The following LRRC47 variants were observed in gnomAD, a reference collection of about 807,000 sequenced individuals.
The protein encoded by LRRC47 is leucine rich repeat containing 47.
A neutral mutation model predicts 40.9 loss-of-function variants in LRRC47; 31 were observed. The observed-to-expected ratio is 0.76, with a 90% CI of 0.57 to 1.02. The LOEUF (loss-of-function observed/expected upper bound fraction) is 1.02, where lower values mean the gene tolerates loss of function less well. LRRC47 is among the 50% of genes least tolerant of loss of function. The pLI is 0.00. For synonymous variants in LRRC47, 427 were observed against 371.9 expected, an observed-to-expected ratio of 1.15 and a Z score of -1.70; for missense variants, 726 against 796.1, an observed-to-expected ratio of 0.91 and a Z score of 1.06.
intron 2 of LRRC47, among the ~76,000 whole-genome samples, chr1:3,786,121 C>T (rs1024587080): frequency 1.3e-4 from 20 of 152,086 alleles, no homozygotes; most frequent in African/African-American, 3.1e-4. Context: ...GCACCCACCT[C>T]GGCCTCCTGA....
chr1:3,780,453 AC>A lies in LRRC47; in HGVS notation c.*634del, dbSNP rs1264390885. ...TGACTGTACAGTGCCACGTAACAGC[AC>A]TGTACTTTTCTCCCATAAACAGTTA... On this transcript the variant is annotated 3_prime_UTR_variant, in exon 7 of 7. Transcript: ENST00000378251. 1 of 152,516 alleles carries A rather than the reference AC, an allele frequency of 6.6e-6. No individual in the cohort carries two copies. Among genetic ancestry groups the A allele is most frequent in the Non-Finnish European group, 1.5e-5 (1 of 68,302 alleles). The allele number at this position is 152,516 out of a possible 1,614,324, so 9.4% of individuals were successfully genotyped here.
chr1:3,795,554 C>T (rs1032408387), intron 1 of LRRC47, among the ~76,000 whole-genome samples: 2 of 152,272 alleles, frequency 1.3e-5, no homozygotes, highest in Non-Finnish European at 2.9e-5. Context: ...GCTCGATCTA[C>T]AGGAGAAGCC....
chr1:3,782,966 G>A (rs1239175090), intron 4 of LRRC47: 2 of 584,870 alleles, frequency 3.4e-6, no homozygotes, highest in Admixed American at 3.0e-5. Flanking sequence ...GGGAGTGGAG[G>A]ACCACCAGGC....
chr1:3,784,595 T>C (rs927256113), intron 3 of LRRC47, among the ~76,000 whole-genome samples: 1 of 152,206 alleles, frequency 6.6e-6, no homozygotes, highest in African/African-American at 2.4e-5. Flanking sequence ...CAACGACTGC[T>C]CATCCGCCGA....
Position 3,792,259 on chromosome 1 carries a change from A to G in LRRC47, c.615+3603T>C, listed in dbSNP as rs756416473. Among the ~76,000 whole-genome samples the G allele has an allele frequency of 2.6e-5, 4 of 152,250 alleles. No individual in the cohort carries two copies. The South Asian group carries it at 8.3e-4, about 31-fold the overall frequency. Reference sequence around the variant, plus strand: ...AACAAGGGATTCCAATAGCTCTTGCATGACCCTCCAAGAAACAGGTCTCCT... The same window carrying G: ...AACAAGGGATTCCAATAGCTCTTGCGTGACCCTCCAAGAAACAGGTCTCCT... On this transcript the variant is annotated intron_variant, in intron 1 of 6. Transcript: ENST00000378251.
intron 1 of LRRC47, among the ~76,000 whole-genome samples, chr1:3,794,111 C>T (rs1351165362): frequency 6.6e-6 from 1 of 151,842 alleles, no homozygotes; most frequent in Non-Finnish European, 1.5e-5. Context: ...AGGAGAATGG[C>T]GTGAACCCGG....
chr1:3,785,591 C>T (rs1643564847), intron 2 of LRRC47: 1 of 152,610 alleles, frequency 6.6e-6, no homozygotes, highest in African/African-American at 2.4e-5. Flanking sequence ...GCAGGACTCT[C>T]ACGACAGTCA....
intron 1 of LRRC47, among the ~76,000 whole-genome samples, chr1:3,789,523 G>A (rs776704709): frequency 5.9e-5 from 9 of 152,228 alleles, no homozygotes; most frequent in Non-Finnish European, 7.3e-5. Flanking sequence ...CCACCGGGGC[G>A]CCCAGAGCAG....
At chr1:3,788,203 C>T (rs1643595406) in intron 1 of LRRC47, among the ~76,000 whole-genome samples, 1 of 152,240 alleles carries the variant, frequency 6.6e-6, no homozygotes, top group South Asian at 2.1e-4. Flanking sequence ...CATCCGCCTC[C>T]ACTCTGCTCT....
intron 2 of LRRC47, 77 bp downstream of exon 2, chr1:3,786,772 T>C (rs564868882): frequency 1.5e-6 from 2 of 1,361,858 alleles, no homozygotes; most frequent in East Asian, 2.5e-5. Context: ...TCGGACACGC[T>C]GGCCTCAGGA....
chr1:3,783,948 G>A, intron 4 of LRRC47, 48 bp downstream of exon 4: 1 of 1,488,360 alleles, frequency 6.7e-7, no homozygotes. Flanking sequence ...AGGCCAGCAT[G>A]CGGCACTCCC....
At chr1:3,783,774 G>T (rs369629712) in intron 4 of LRRC47, 115 of 549,290 alleles carry the variant, frequency 2.1e-4, no homozygotes, top group African/African-American at 2.0e-3. Flanking sequence ...CAATACCTCC[G>T]CTCCTAACAC....
intron 3 of LRRC47, among the ~76,000 whole-genome samples, chr1:3,784,622 G>A (rs1247634624): frequency 6.6e-6 from 1 of 152,256 alleles, no homozygotes; most frequent in African/African-American, 2.4e-5. Context: ...TCACAGCTGT[G>A]CACCGCTTCG....
Position 3,781,572 on chromosome 1 carries a change from C to G in LRRC47, c.1443G>C (p.Leu481Phe). Residue 481 changes from leucine (L) to phenylalanine (F), a missense_variant, in exon 6 of 7, where the codon TTG becomes TTC. Coordinates refer to ENST00000378251, the MANE Select transcript of LRRC47 (RefSeq NM_020710.3). ...GCAGACTGGTGGCACTTGTTACTTC[C>G]AAAAACAAATCAGAAGTCGTTTTCT... ...KVKKTTSDLF[L>F]EVTSATSLQI... 1 of 1,613,778 alleles carries G rather than the reference C, an allele frequency of 6.2e-7. No individual in the cohort carries two copies. Among genetic ancestry groups the G allele is most frequent in the Non-Finnish European group, 8.5e-7 (1 of 1,179,892 alleles).
intron 2 of LRRC47, among the ~76,000 whole-genome samples, chr1:3,785,748 C>T (rs777088789): frequency 1.4e-4 from 21 of 152,194 alleles, no homozygotes; most frequent in Non-Finnish European, 2.6e-4. Context: ...AAACAATTCA[C>T]AGAAGAATGT....
intron 1 of LRRC47, among the ~76,000 whole-genome samples, chr1:3,792,688 T>G (rs1056078041): frequency 6.6e-6 from 1 of 152,188 alleles, no homozygotes; most frequent in Non-Finnish European, 1.5e-5. Flanking sequence ...CTCGATCTCT[T>G]GACCTCGTGA....
chr1:3,794,806 G>GGCTCA (rs1184631955), intron 1 of LRRC47, among the ~76,000 whole-genome samples: 4 of 151,898 alleles, frequency 2.6e-5, no homozygotes, highest in African/African-American at 4.8e-5. Flanking sequence ...TGTAATCCTA[G>GGCTCA]CACTTTGGAA....
rs1643531032 is a variant in LRRC47 at position 3,782,613 on chromosome 1, AG to A, written c.1413+47del. On this transcript the variant is annotated intron_variant, in intron 5 of 6. Coordinates refer to ENST00000378251, the MANE Select transcript of LRRC47 (RefSeq NM_020710.3). ...CCCCGCAGACTTGTGTTAATTCTAC[AG>A]GGAACAGCCTAGAAGACACACCATG... 3 of 1,111,222 alleles carry A rather than the reference AG, an allele frequency of 2.7e-6. No homozygotes were observed. The Admixed American group carries it at 5.1e-5, about 19-fold the overall frequency. 68.8% of individuals were successfully genotyped at this position (1,111,222 alleles called of 1,614,324 possible). A position where few individuals can be genotyped will look rare whatever the true frequency, so the allele number is the denominator to read the frequency against.
rs1368013549 is a variant in LRRC47 at position 3,789,474 on chromosome 1, C to CCAGGAG, written c.616-2170_616-2165dup. Among the ~76,000 whole-genome samples the CCAGGAG allele has an allele frequency of 8.5e-5, 13 of 152,392 alleles. 1 individual carries two copies. Among genetic ancestry groups the CCAGGAG allele is most frequent in the African/African-American group, 2.9e-4 (12 of 41,598 alleles). Reference sequence around the variant, plus strand: ...TGACAAAGAGCAAGTTCCTTCAGACCCAGGAGCAGCAGCAGAGGCGAAGGA... The same window carrying CCAGGAG: ...TGACAAAGAGCAAGTTCCTTCAGACCCAGGAGCAGGAGCAGCAGCAGAGGCGAAGGA... On this transcript the variant is annotated intron_variant, in intron 1 of 6. Coordinates refer to ENST00000378251, the MANE Select transcript of LRRC47 (RefSeq NM_020710.3).
Sources: allele counts gnomAD v4.1 joint callset (sites outside exome capture counted in the v4.1 genomes callset), GRCh38; gene constraint gnomAD v4.1.1; transcripts MANE v1.5; gene names NCBI Gene and HGNC (gene_info 2026-07-23, HGNC 2026-07-21).